The following MAVS variants were observed in gnomAD, a reference collection of about 807,000 sequenced individuals.
MAVS encodes mitochondrial antiviral-signaling protein.
In MAVS, 20 loss-of-function variants were observed where a neutral mutation model predicts 30.2. The ratio of observed to expected loss-of-function variants is 0.66; its 90% confidence interval spans 0.47 to 0.96. The LOEUF is 0.96. MAVS is among the 40% of genes least tolerant of loss of function. The pLI is 0.00. For synonymous variants in MAVS, 278 were observed against 293.9 expected (o/e 0.95, Z 0.55); for missense variants, 624 against 701.1 (o/e 0.89, Z 1.24).
At chr20:3,862,128 G>T in intron 4 of MAVS, 126 bp from the exon 5 acceptor site, 1 of 1,078,892 alleles carries the variant, frequency 9.3e-7, no homozygotes, top group Non-Finnish European at 1.3e-6. Flanking sequence ...CCAGGCAAGG[G>T]CTCCCCTGGC....
At chr20:3,851,381 G>A (rs1413275422) in intron 1 of MAVS, among the ~76,000 whole-genome samples, 1 of 146,058 alleles carries the variant, frequency 6.8e-6, no homozygotes, top group African/African-American at 2.6e-5. Context: ...TGGTGGGCAC[G>A]TGTAATCCCA....
At chr20:3,848,038 G>C (rs2089723088) in intron 1 of MAVS, among the ~76,000 whole-genome samples, 1 of 152,160 alleles carries the variant, frequency 6.6e-6, no homozygotes, top group African/African-American at 2.4e-5. Flanking sequence ...CTGGAATGCA[G>C]AAGAGTGCCT....
At chr20:3,862,757 C>T (rs1283272822) in intron 5 of MAVS, among the ~76,000 whole-genome samples, 1 of 152,148 alleles carries the variant, frequency 6.6e-6, no homozygotes, top group African/African-American at 2.4e-5. Flanking sequence ...TAAGTTCTGC[C>T]TCTGGCTGTT....
Position 3,864,800 on chromosome 20 carries a change from C to T in MAVS, c.1158+12C>T, listed in dbSNP as rs371685018. ...GCAGCAGAAATGAGGTGAGTCCTCGCCCTTCCTGGCAGGGATCCTGGCCCC... is the reference window on the plus strand; with the variant it reads ...GCAGCAGAAATGAGGTGAGTCCTCGTCCTTCCTGGCAGGGATCCTGGCCCC... On this transcript the variant is annotated intron_variant, in intron 6 of 6. Coordinates refer to ENST00000428216, the MANE Select transcript of MAVS (RefSeq NM_020746.5). 2.5e-6 allele frequency: 4 copies of T among 1,608,626 alleles called. No individual in the cohort carries two copies. The highest frequency in any genetic ancestry group is 1.3e-5 in the African/African-American group (1 of 74,890).
chr20:3,864,142 T>G, intron 5 of MAVS, 114 bp from the exon 6 acceptor site: 1 of 1,195,466 alleles, frequency 8.4e-7, no homozygotes, highest in South Asian at 1.5e-5. Flanking sequence ...GGCAGGAGAT[T>G]TGGAGGCCTA....
At chr20:3,853,764 A>C (rs2089784975) in intron 1 of MAVS, among the ~76,000 whole-genome samples, 1 of 152,052 alleles carries the variant, frequency 6.6e-6, no homozygotes, top group Non-Finnish European at 1.5e-5. Flanking sequence ...ACTGCACCCA[A>C]CTTGGGTGAC....
chr20:3,870,634 T>TAAAAAAAAAAAAAAAA lies in MAVS; in HGVS notation c.*4514_*4529dup, dbSNP rs58186808. ...GGGCAACAAAGCAAGACCCTATCTC[T>TAAAAAAAAAAAAAAAA]AAAAAAAAAAAAAAAAAAAAAAAAA... On this transcript the variant is annotated 3_prime_UTR_variant, in exon 7 of 7. Transcript: ENST00000428216. 1 of 29,484 alleles carries TAAAAAAAAAAAAAAAA rather than the reference T, an allele frequency of 3.4e-5. No individual in the cohort carries two copies. The highest frequency in any genetic ancestry group is 9.4e-5 in the African/African-American group (1 of 10,608). 1.8% of individuals were successfully genotyped at this position (29,484 alleles called of 1,614,324 possible). A position where few individuals can be genotyped will look rare whatever the true frequency, so the allele number is the denominator to read the frequency against.
At chr20:3,857,919 C>A in intron 3 of MAVS, 110 bp downstream of exon 3, 1 of 1,233,534 alleles carries the variant, frequency 8.1e-7, no homozygotes, top group South Asian at 1.2e-5. Flanking sequence ...TCTTTCTTGT[C>A]ACTGTGAAGC....
rs529124263 is a variant in MAVS at position 3,873,343 on chromosome 20, G to C, written c.*7196G>C. 6.6e-6 allele frequency: 1 copy of C among 152,188 alleles called. No individual in the cohort carries two copies. Among genetic ancestry groups the C allele is most frequent in the Non-Finnish European group, 1.5e-5 (1 of 68,008 alleles). The allele number at this position is 152,188 out of a possible 1,614,324, so 9.4% of individuals were successfully genotyped here. On this transcript the variant is annotated 3_prime_UTR_variant, in exon 7 of 7. Transcript: ENST00000428216. Reference sequence around the variant, plus strand: ...GAAGCCAGGAGTCTGAGATCAGCCTGGCCAACATGGTGAAACCCCATCTGT... The same window carrying C: ...GAAGCCAGGAGTCTGAGATCAGCCTCGCCAACATGGTGAAACCCCATCTGT...
At chr20:3,859,494 T>G (rs1400553706) in intron 3 of MAVS, among the ~76,000 whole-genome samples, 2 of 118,354 alleles carry the variant, frequency 1.7e-5, no homozygotes, top group Admixed American at 1.0e-4. Flanking sequence ...GATGACAGAG[T>G]GAGACTCCGT....
At chr20:3,848,305 G>C (rs946029945) in intron 1 of MAVS, among the ~76,000 whole-genome samples, 7 of 152,048 alleles carry the variant, frequency 4.6e-5, no homozygotes, top group Non-Finnish European at 1.0e-4. Flanking sequence ...CACCATGTTG[G>C]CCAGGCTGGT....
intron 1 of MAVS, among the ~76,000 whole-genome samples, chr20:3,852,796 C>A (rs960459118): frequency 6.7e-6 from 1 of 150,184 alleles, no homozygotes; most frequent in Non-Finnish European, 1.5e-5. Context: ...TCTTGAGTAG[C>A]TGGTGGTCAT....
chr20:3,850,730 CA>C (rs2089752837), intron 1 of MAVS, among the ~76,000 whole-genome samples: 2 of 149,288 alleles, frequency 1.3e-5, no homozygotes, highest in African/African-American at 4.9e-5. Context: ...ACTAAAAATA[CA>C]AAAAATTAGC....
chr20:3,850,077 G>A (rs1600440547), intron 1 of MAVS, among the ~76,000 whole-genome samples: 2 of 151,622 alleles, frequency 1.3e-5, no homozygotes, highest in African/African-American at 4.8e-5. Context: ...AGGAGATCGA[G>A]ACCATCCTGG....
In MAVS at chr20:3,865,586, G is replaced by A. The variant is rs1414260435; in HGVS notation, c.1159-97G>A. On this transcript the variant is annotated intron_variant, in intron 6 of 6. Coordinates refer to ENST00000428216, the MANE Select transcript of MAVS (RefSeq NM_020746.5). This position sits in a 1 kb window ranked among gnomAD's most constrained non-coding sequence, Gnocchi z 4.7. ...ATAGATTGGGAATTGAGGGGTTGGA[G>A]TGTTAGTTCATGCCCTGGCCTGGGA... 1.8e-6 allele frequency: 2 copies of A among 1,132,370 alleles called. No homozygotes were observed. Among genetic ancestry groups the A allele is most frequent in the Non-Finnish European group, 2.5e-6 (2 of 807,522 alleles). The allele number at this position is 1,132,370 out of a possible 1,614,324, so 70.1% of individuals were successfully genotyped here.
At position 3,852,727 on chromosome 20, in the gene MAVS, G is replaced by A. The variant is rs963686097; in HGVS notation, c.-67-1831G>A. On this transcript the variant is annotated intron_variant, in intron 1 of 6. Transcript: ENST00000428216. ...TTTATTTTTTTAGAGACAGGGTCTC[G>A]CTGTGTTGCCCAGGCTGGCCTCGAA... Among the ~76,000 whole-genome samples, 4 of 151,792 alleles carry A rather than the reference G, an allele frequency of 2.6e-5. 1 individual carries two copies. The highest frequency in any genetic ancestry group is 4.2e-4 in the South Asian group (2 of 4,772).
chr20:3,861,607 A>C, intron 4 of MAVS, 103 bp downstream of exon 4: 2 of 1,235,886 alleles, frequency 1.6e-6, no homozygotes, highest in African/African-American at 1.5e-5. Context: ...CCTATAAATC[A>C]CGCCTAATCT....
At chr20:3,851,472 C>T (rs577823301) in intron 1 of MAVS, among the ~76,000 whole-genome samples, 7 of 147,196 alleles carry the variant, frequency 4.8e-5, no homozygotes, top group Admixed American at 3.5e-4. Context: ...CACCACTGCA[C>T]TCCAGCCTGG....
intron 3 of MAVS, among the ~76,000 whole-genome samples, chr20:3,859,879 C>G (rs1218779090): frequency 6.8e-6 from 1 of 147,780 alleles, no homozygotes; most frequent in Non-Finnish European, 1.5e-5. Flanking sequence ...TGCAGTGGTG[C>G]CATCTCAGCT....
Sources: gnomAD v4.1 joint callset for allele counts (sites outside exome capture counted in the v4.1 genomes callset) on GRCh38, gnomAD v4.1.1 for gene constraint, Gnocchi (gnomAD v3.1) non-coding constraint, MANE v1.5 for transcripts, NCBI Gene and HGNC (gene_info 2026-07-23, HGNC 2026-07-21) for gene names.